Variants in CEP57 observed in about 807,000 individuals in gnomAD.
The protein encoded by CEP57 is centrosomal protein of 57 kDa.
A neutral mutation model predicts 68.0 loss-of-function variants in CEP57; 40 were observed. That is an observed-to-expected ratio of 0.59 (90% CI 0.46 to 0.77). CEP57 has a LOEUF of 0.77. Among genes scored for constraint, CEP57 ranks in the 30% least tolerant of loss-of-function variants. CEP57 has a pLI of 0.00. For synonymous variants in CEP57, 219 were observed against 198.7 expected, an observed-to-expected ratio of 1.10 and a Z score of -0.86; for missense variants, 606 against 580.7, an observed-to-expected ratio of 1.04 and a Z score of -0.45.
At chr11:95,817,946 G>GTT in intron 5 of CEP57, 43 bp downstream of exon 5, 9 of 1,160,120 alleles carry the variant, frequency 7.8e-6, no homozygotes, top group African/African-American at 1.5e-5. Flanking sequence ...TATCAGGGTG[G>GTT]TTTTTTTTTA....
In CEP57 at chr11:95,817,695, A is replaced by G; in HGVS notation, c.505-92A>G. ...TATTTTCCTAGAAGTAGTTATGTGA[A>G]GGGCCAAATAACAGCATAGAAAAAC... is the stretch of plus-strand genomic sequence containing the variant. On this transcript the variant is annotated intron_variant, in intron 4 of 10. Transcript: ENST00000325542. 3.6e-6 allele frequency: 3 copies of G among 840,694 alleles called. No individual in the cohort carries two copies. In the Admixed American group the frequency reaches 5.3e-5, roughly 15 times the overall value. 52.1% of individuals were successfully genotyped at this position (840,694 alleles called of 1,614,324 possible).
At chr11:95,798,915 G>A (rs1414593922) in intron 1 of CEP57, among the ~76,000 whole-genome samples, 1 of 152,082 alleles carries the variant, frequency 6.6e-6, no homozygotes, top group Non-Finnish European at 1.5e-5. Flanking sequence ...TTATTTTTCT[G>A]AACGTATATT....
At chr11:95,809,547 T>C (rs1424130019) in intron 2 of CEP57, among the ~76,000 whole-genome samples, 2 of 152,136 alleles carry the variant, frequency 1.3e-5, no homozygotes, top group African/African-American at 2.4e-5. Flanking sequence ...AAATACAGAC[T>C]ACCATCAGCG....
At chr11:95,795,010 A>G (rs998306671) in intron 1 of CEP57, among the ~76,000 whole-genome samples, 2 of 151,970 alleles carry the variant, frequency 1.3e-5, no homozygotes, top group South Asian at 2.1e-4. Context: ...CCTTTGTTGT[A>G]TTTGTCTCTC....
chr11:95,817,611 G>C (rs1334978211), intron 4 of CEP57, among the ~76,000 whole-genome samples, 176 bp from the exon 5 acceptor site: 6 of 152,084 alleles, frequency 3.9e-5, no homozygotes, highest in Non-Finnish European at 5.9e-5. Flanking sequence ...ACTGAGCTAA[G>C]AACAGTATCC....
chr11:95,828,047 TTTAAA>T lies in CEP57; in HGVS notation c.1127+23_1127+27del. 6.2e-7 allele frequency: 1 copy of T among 1,607,242 alleles called. No individual in the cohort carries two copies. The highest frequency in any genetic ancestry group is 1.1e-5 in the South Asian group (1 of 89,852). ...GAGCTTGTGAGTTTTTGTTTTTTTT[TTTAAA>T]TTCAGTTTAGCTCTAAAACCTCATT... On this transcript the variant is annotated intron_variant, in intron 9 of 10. Coordinates refer to ENST00000325542, the MANE Select transcript of CEP57 (RefSeq NM_014679.5).
upstream of CEP57, chr11:95,790,435 T>A (rs191394966): frequency 1.8e-6 from 1 of 570,642 alleles, no homozygotes; most frequent in Admixed American, 3.0e-5. Context: ...GATTCTCTCC[T>A]ACTACAGAAA....
At chr11:95,799,207 G>A (rs1861469365) in intron 1 of CEP57, 25 bp from the exon 2 acceptor site, 1 of 1,613,296 alleles carries the variant, frequency 6.2e-7, no homozygotes, top group Non-Finnish European at 8.5e-7. Flanking sequence ...ACTTTTGAAA[G>A]GTAATTTGTG....
At chr11:95,794,818 C>G (rs1321751347) in intron 1 of CEP57, among the ~76,000 whole-genome samples, 1 of 151,932 alleles carries the variant, frequency 6.6e-6, no homozygotes, top group Non-Finnish European at 1.5e-5. Context: ...AAGTTGAAGC[C>G]TTTTATGTCC....
At chr11:95,802,866 A>G in intron 2 of CEP57, among the ~76,000 whole-genome samples, 1 of 152,232 alleles carries the variant, frequency 6.6e-6, no homozygotes, top group East Asian at 1.9e-4. Flanking sequence ...CACTGTAATC[A>G]AGGATATGAG....
intron 8 of CEP57, chr11:95,823,091 G>C (rs1862581307): frequency 6.2e-6 from 1 of 161,264 alleles, no homozygotes; most frequent in Admixed American, 5.8e-5. Flanking sequence ...ACTGAGTGAA[G>C]TGCCTAAAAC....
Position 95,818,813 on chromosome 11 carries a change from A to T in CEP57, c.622-14A>T, listed in dbSNP as rs758512770. The T allele has an allele frequency of 6.2e-7, 1 of 1,610,434 alleles. No homozygotes were observed. Among genetic ancestry groups the T allele is most frequent in the Non-Finnish European group, 8.5e-7 (1 of 1,176,784 alleles). On this transcript the variant is annotated splice_polypyrimidine_tract_variant and intron_variant, in intron 5 of 10. Coordinates refer to ENST00000325542, the MANE Select transcript of CEP57 (RefSeq NM_014679.5). The stretch of plus-strand genomic sequence containing the variant: ...ATTTTTCACCTTTATCCCTTTTGAC[A>T]TTTTTATCACTAGAAAAAAATGCAA...
At chr11:95,814,079 G>GA (rs1862194207) in intron 4 of CEP57, among the ~76,000 whole-genome samples, 3 of 125,318 alleles carry the variant, frequency 2.4e-5, no homozygotes, top group Admixed American at 8.0e-5. Context: ...ATCTCACTCT[G>GA]TCTCACTCTG....
At chr11:95,800,368 T>C (rs1375959034) in intron 2 of CEP57, among the ~76,000 whole-genome samples, 1 of 151,960 alleles carries the variant, frequency 6.6e-6, no homozygotes, top group Non-Finnish European at 1.5e-5. Flanking sequence ...TAACAGTAGG[T>C]AGTCTCTCAT....
chr11:95,829,421 CATAG>C, intron 10 of CEP57, 90 bp downstream of exon 10: 1 of 1,288,654 alleles, frequency 7.8e-7, no homozygotes, highest in Non-Finnish European at 1.1e-6. Context: ...CTAAGTGTAT[CATAG>C]ATAAATATCT....
chr11:95,798,559 T>C (rs1861443214), intron 1 of CEP57, among the ~76,000 whole-genome samples: 1 of 152,202 alleles, frequency 6.6e-6, no homozygotes, highest in Admixed American at 6.5e-5. Context: ...TCCCCCAGTC[T>C]AGGACCATCT....
chr11:95,808,168 G>A (rs1015038492), intron 2 of CEP57, among the ~76,000 whole-genome samples: 1 of 152,064 alleles, frequency 6.6e-6, no homozygotes, highest in Non-Finnish European at 1.5e-5. Context: ...AGCAAATGCT[G>A]AGAGATTTTG....
intron 2 of CEP57, among the ~76,000 whole-genome samples, chr11:95,811,821 G>C (rs1053553705): frequency 6.6e-6 from 1 of 152,084 alleles, no homozygotes; most frequent in Non-Finnish European, 1.5e-5. Context: ...CATTAGAATG[G>C]CTATGATTCT....
chr11:95,795,900 A>C (rs3932405), intron 1 of CEP57, among the ~76,000 whole-genome samples: 9,043 of 152,234 alleles, frequency 0.059, 353 homozygotes, highest in Middle Eastern at 0.1. Flanking sequence ...CCTGGAAATA[A>C]TTGCCTTTTA....
Sources: gnomAD v4.1 joint callset for allele counts (sites outside exome capture counted in the v4.1 genomes callset) on GRCh38, gnomAD v4.1.1 for gene constraint, MANE v1.5 for transcripts, NCBI Gene and HGNC (gene_info 2026-07-23, HGNC 2026-07-21) for gene names.